The following ATP2B3 variants were observed in gnomAD, a reference collection of about 807,000 sequenced individuals.
ATP2B3 encodes plasma membrane calcium-transporting ATPase 3.
Under a neutral mutation model 70.8 loss-of-function variants are expected in ATP2B3, and 12 were observed. That is an observed-to-expected ratio of 0.17 (90% CI 0.11 to 0.27). ATP2B3 has a LOEUF of 0.27. Ranked by LOEUF, ATP2B3 falls within the 10% of genes least tolerant of loss-of-function variation. ATP2B3 has a pLI of 1.00. For missense variants in ATP2B3, 858 were observed against 1,118.5 expected, an observed-to-expected ratio of 0.77 and a Z score of 3.32; for synonymous variants, 460 against 497.8, an observed-to-expected ratio of 0.92 and a Z score of 1.01.
rs1557010570 is a variant in ATP2B3 at position 153,549,711 on chromosome X, T to C, written c.1553T>C (p.Ile518Thr). Residue 518 changes from isoleucine (I) to threonine (T), a missense_variant, in exon 11 of 22, where the codon ATC becomes ACC. Ile to Thr is a moderately conservative substitution (Grantham distance 89). Transcript: ENST00000263519. ...ILDLLVHAIS[I>T]NSAYTTKILP... ...GACCTCCTGGTCCATGCCATCTCCA[T>C]CAACAGTGCCTATACCACCAAAATA... 8.3e-7 allele frequency: 1 copy of C among 1,211,687 alleles called. No homozygotes were observed. The highest frequency in any genetic ancestry group is 3.0e-5 in the East Asian group (1 of 33,829).
At chrX:153,549,865 C>T in intron 11 of ATP2B3, 126 bp downstream of exon 11, 3 of 1,064,600 alleles carry the variant, frequency 2.8e-6, no homozygotes, top group Admixed American at 3.0e-5. Flanking sequence ...TTGCCCATCC[C>T]TGGCCTCACA....
intron 21 of ATP2B3, among the ~76,000 whole-genome samples, chrX:153,567,249 T>C (rs2090720957): frequency 1.8e-5 from 2 of 113,459 alleles, no homozygotes; most frequent in Non-Finnish European, 3.7e-5. Context: ...TCTCGTTCCC[T>C]GCAATAAATA....
At chrX:153,572,941 G>A (rs782703138) in intron 21 of ATP2B3, among the ~76,000 whole-genome samples, 3 of 112,547 alleles carry the variant, frequency 2.7e-5, no homozygotes, top group African/African-American at 9.7e-5. Context: ...AAAGCCACTT[G>A]AGAGGCCTTT....
At chrX:153,555,362 G>C (rs1205404739) in intron 13 of ATP2B3, among the ~76,000 whole-genome samples, 4 of 110,399 alleles carry the variant, frequency 3.6e-5, no homozygotes, top group Non-Finnish European at 5.7e-5. Context: ...CTGGCGGCTC[G>C]GCCACACCTA....
At chrX:153,559,684 C>G in intron 17 of ATP2B3, 45 bp from the exon 18 acceptor site, 1 of 1,165,950 alleles carries the variant, frequency 8.6e-7, no homozygotes, top group East Asian at 3.0e-5. Flanking sequence ...CCCCAACCTT[C>G]CCGGGCAGGC....
intron 6 of ATP2B3, among the ~76,000 whole-genome samples, chrX:153,542,758 A>G (rs1279242075): frequency 1.8e-5 from 2 of 112,986 alleles, no homozygotes; most frequent in South Asian, 3.6e-4. Context: ...ACCCTCGACA[A>G]TATCCAGTGG....
chrX:153,536,139 CT>C lies in ATP2B3; in HGVS notation c.-106del, dbSNP rs1271122070. ...CTCCCCAGGTGTCCACGCTTAGCAGCTTTCTCACCGCCGCCAAACCTTGCCT... is the reference window on the plus strand; with the variant it reads ...CTCCCCAGGTGTCCACGCTTAGCAGCTTCTCACCGCCGCCAAACCTTGCCT... On this transcript the variant is annotated 5_prime_UTR_variant, in exon 3 of 22. Transcript: ENST00000263519. The C allele has an allele frequency of 4.6e-5, 42 of 919,959 alleles. No homozygotes were observed. In the African/African-American group the frequency reaches 8.2e-4, roughly 18 times the overall value. 75.8% of individuals were successfully genotyped at this position (919,959 alleles called of 1,213,427 possible).
At chrX:153,542,288 G>A (rs782781545) in intron 5 of ATP2B3, 35 bp from the exon 6 acceptor site, 1 of 1,208,588 alleles carries the variant, frequency 8.3e-7, no homozygotes, top group East Asian at 3.0e-5. Context: ...GGAGGAGGCG[G>A]TGGGGAGAAA....
intron 13 of ATP2B3, among the ~76,000 whole-genome samples, chrX:153,555,318 G>A (rs1603087581): frequency 2.7e-5 from 3 of 111,006 alleles, no homozygotes; most frequent in Admixed American, 9.4e-5. Flanking sequence ...CCACTCCTGC[G>A]TGTCTACTCC....
At position 153,536,265 on chromosome X, in the gene ATP2B3, T is replaced by A; in HGVS notation, c.18T>A (p.Asn6Lys). 4.2e-6 allele frequency: 5 copies of A among 1,196,296 alleles called. No individual in the cohort carries two copies. Among genetic ancestry groups the A allele is most frequent in the Non-Finnish European group, 5.6e-6 (5 of 887,804 alleles). Residue 6 changes from asparagine to lysine, a missense_variant, in exon 3 of 22, where the codon AAT becomes AAA. Physicochemically the swap from Asn to Lys is moderately conservative, Grantham distance 94. This residue lies in a region of ATP2B3 where 278 missense variants were observed against 366.2 expected (regional missense o/e 0.76). Coordinates refer to ENST00000263519, the MANE Select transcript of ATP2B3 (RefSeq NM_001001344.3). ...CAGGCAGCATGGGCGACATGGCCAA[T>A]AGTTCCATCGAGTTCCACCCCAAGC... is the stretch of plus-strand genomic sequence containing the variant. MGDMA[N>K]SSIEFHPKPQ...
chrX:153,555,106 C>T (rs782782046), intron 13 of ATP2B3, among the ~76,000 whole-genome samples: 2 of 111,816 alleles, frequency 1.8e-5, no homozygotes, highest in Admixed American at 9.4e-5. Flanking sequence ...GAAGTGTCCC[C>T]GAGGCTGGCA....
chrX:153,552,996 T>G (rs1250446820), intron 12 of ATP2B3, 39 bp from the exon 13 acceptor site: 5 of 1,127,205 alleles, frequency 4.4e-6, no homozygotes, highest in African/African-American at 1.8e-5. Context: ...TGTTGTTCTC[T>G]CCCCACCTCC....
intron 21 of ATP2B3, among the ~76,000 whole-genome samples, chrX:153,576,682 T>C (rs782213165): frequency 2.3e-4 from 25 of 111,057 alleles, no homozygotes; most frequent in African/African-American, 7.9e-4. Flanking sequence ...TGAGATTCCT[T>C]TGGGAGCAGT....
At chrX:153,529,686 A>T (rs1603025139) in intron 2 of ATP2B3, among the ~76,000 whole-genome samples, 2 of 111,970 alleles carry the variant, frequency 1.8e-5, no homozygotes, top group Non-Finnish European at 3.8e-5. Flanking sequence ...CGTCTTCCCA[A>T]ACTGAAGCTC....
intron 21 of ATP2B3, chrX:153,574,835 C>T (rs1557020869): frequency 3.0e-6 from 1 of 331,108 alleles, no homozygotes; most frequent in East Asian, 9.7e-5. Flanking sequence ...TGGCATCGCA[C>T]ATGGCACTCC....
chrX:153,534,478 G>A (rs1460649362), intron 2 of ATP2B3, among the ~76,000 whole-genome samples: 2 of 111,747 alleles, frequency 1.8e-5, no homozygotes, highest in Non-Finnish European at 3.8e-5. Flanking sequence ...GTCCCCAGAC[G>A]CCTTGCCTCA....
At chrX:153,576,445 G>C (rs1353961340) in intron 21 of ATP2B3, among the ~76,000 whole-genome samples, 6 of 112,018 alleles carry the variant, frequency 5.4e-5, no homozygotes, top group Non-Finnish European at 1.9e-5. Context: ...CCTGCACTGG[G>C]ATGGGAAGGC....
intron 6 of ATP2B3, 150 bp downstream of exon 6, chrX:153,542,598 C>A: frequency 1.2e-6 from 1 of 852,203 alleles, no homozygotes; most frequent in South Asian, 2.7e-5. Flanking sequence ...GAAGACTCCG[C>A]CCGTCTTGAG....
chrX:153,541,809 C>T lies in ATP2B3; in HGVS notation c.547C>T (p.Arg183Ter), dbSNP rs782497358. 1.7e-6 allele frequency: 2 copies of T among 1,211,484 alleles called. No homozygotes were observed. Among genetic ancestry groups the T allele is most frequent in the Non-Finnish European group, 2.2e-6 (2 of 895,482 alleles). Residue 183 changes from arginine to a stop codon, truncating the protein, a stop_gained, in exon 5 of 22, where the codon CGA becomes TGA. Transcript: ENST00000263519. LOFTEE classifies it high-confidence loss of function. ...FNDWSKEKQF[R>*]GLQSRIEQEQ... ...TGACTGGAGCAAGGAGAAGCAGTTC[C>T]GAGGCCTGCAGAGCCGAATTGAGCA...
Sources: allele counts gnomAD v4.1 joint callset (sites outside exome capture counted in the v4.1 genomes callset), GRCh38; gene constraint gnomAD v4.1.1; regional missense constraint gnomAD v4.1.1; transcripts MANE v1.5; gene names NCBI Gene and HGNC (gene_info 2026-07-23, HGNC 2026-07-21).